FAM3B: variants seen among roughly 807,000 people sequenced by gnomAD.
FAM3B encodes the protein protein FAM3B.
In FAM3B, 29 loss-of-function variants were observed where a neutral mutation model predicts 28.4. The observed-to-expected ratio is 1.02, with a 90% CI of 0.76 to 1.39. The LOEUF is 1.39. Among genes scored for constraint, FAM3B ranks in the 40% most tolerant of loss-of-function variants. The probability of loss-of-function intolerance (pLI) is 0.00; values close to 1 mark genes in which losing one functional copy is unlikely to be tolerated. For missense variants in FAM3B, 266 were observed against 293.9 expected, an observed-to-expected ratio of 0.91 and a Z score of 0.69; for synonymous variants, 91 against 103.0, an observed-to-expected ratio of 0.88 and a Z score of 0.71.
At chr21:41,322,571 C>T (rs780373588) in intron 1 of FAM3B, 7 of 716,398 alleles carry the variant, frequency 9.8e-6, no homozygotes, top group African/African-American at 3.5e-5. Context: ...GGGAATGAGG[C>T]GCTTTTGTTT....
intron 3 of FAM3B, among the ~76,000 whole-genome samples, chr21:41,343,742 G>T (rs554901089): frequency 6.6e-6 from 1 of 152,062 alleles, no homozygotes; most frequent in Non-Finnish European, 1.5e-5. Context: ...ACCATCTCCA[G>T]GTAAGTCATT....
At chr21:41,310,860 G>A (rs901738076) in intron 1 of FAM3B, among the ~76,000 whole-genome samples, 5 of 152,140 alleles carry the variant, frequency 3.3e-5, no homozygotes, top group African/African-American at 7.2e-5. Context: ...CATGTTTCAT[G>A]TGTTATCCCA....
chr21:41,344,059 G>A (rs117006037), intron 3 of FAM3B, among the ~76,000 whole-genome samples: 4 of 152,190 alleles, frequency 2.6e-5, no homozygotes, highest in Non-Finnish European at 5.9e-5. Context: ...GGCAGAGGTT[G>A]CAGTGAGCCA....
intron 5 of FAM3B, among the ~76,000 whole-genome samples, chr21:41,346,675 G>T (rs2089063530): frequency 5.3e-5 from 8 of 151,900 alleles, no homozygotes. Flanking sequence ...TTCTAAGGAG[G>T]GTTTTTTTTT....
At chr21:41,345,930 C>T (rs1298427326) in intron 5 of FAM3B, 194 bp downstream of exon 5, 1 of 496,744 alleles carries the variant, frequency 2.0e-6, no homozygotes, top group Non-Finnish European at 3.6e-6. Context: ...TTGAAGGCAT[C>T]ATCTAGAAAT....
At chr21:41,314,201 G>A (rs2088731559), upstream of FAM3B, among the ~76,000 whole-genome samples, 1 of 152,218 alleles carries the variant, frequency 6.6e-6, no homozygotes, top group Non-Finnish European at 1.5e-5. Context: ...TCCACCATGT[G>A]AGGACACAGT....
At chr21:41,306,652 T>G (rs2088684495) in intron 1 of FAM3B, among the ~76,000 whole-genome samples, 1 of 152,228 alleles carries the variant, frequency 6.6e-6, no homozygotes. Context: ...ATCTCAACAG[T>G]GGGCTGAAAT....
rs2089038775 is a variant in FAM3B at position 41,344,502 on chromosome 21, T to G, written c.314T>G (p.Val105Gly). 1.2e-6 allele frequency: 2 copies of G among 1,614,034 alleles called. No homozygotes were observed. The highest frequency in any genetic ancestry group is 2.2e-5 in the South Asian group (2 of 91,092). The change falls in exon 4 of 8, where the codon GTT becomes GGT. Residue 105 changes from valine to glycine, a missense_variant. Coordinates refer to ENST00000357985, the MANE Select transcript of FAM3B (RefSeq NM_058186.4). ...NLLMGEQLGNVARGINIAIVN... is the reference protein window; with the variant it reads ...NLLMGEQLGNGARGINIAIVN... The stretch of plus-strand genomic sequence containing the variant: ...CTTATGGGAGAACAGCTGGGAAATG[T>G]TGCCAGAGGAATAAACATTGCCATT...
chr21:41,335,961 C>T (rs1487245549), intron 2 of FAM3B, among the ~76,000 whole-genome samples: 1 of 152,106 alleles, frequency 6.6e-6, no homozygotes, highest in African/African-American at 2.4e-5. Context: ...GTTGATGTCC[C>T]ACCAGTATTT....
intron 3 of FAM3B, among the ~76,000 whole-genome samples, chr21:41,342,694 GT>G (rs1480555571): frequency 6.6e-6 from 1 of 152,136 alleles, no homozygotes; most frequent in African/African-American, 2.4e-5. Flanking sequence ...CAGCATGTCA[GT>G]TTTGGTACTT....
chr21:41,335,541 G>C (rs539159847), intron 2 of FAM3B, among the ~76,000 whole-genome samples: 1 of 152,094 alleles, frequency 6.6e-6, no homozygotes, highest in East Asian at 1.9e-4. Flanking sequence ...CCATGCTCCC[G>C]CTTTGCCTTC....
chr21:41,327,770 C>T (rs368846346), intron 2 of FAM3B, among the ~76,000 whole-genome samples: 10 of 152,294 alleles, frequency 6.6e-5, no homozygotes, highest in South Asian at 6.2e-4. Context: ...TTCTATCTTC[C>T]CTTGCTACCT....
At chr21:41,319,300 G>C (rs987761405) in intron 1 of FAM3B, among the ~76,000 whole-genome samples, 5 of 152,160 alleles carry the variant, frequency 3.3e-5, no homozygotes, top group Non-Finnish European at 7.3e-5. Context: ...CATGCACACA[G>C]AGGCAGACAC....
chr21:41,336,271 C>T (rs912548431), intron 2 of FAM3B, among the ~76,000 whole-genome samples: 5 of 152,174 alleles, frequency 3.3e-5, no homozygotes, highest in African/African-American at 7.2e-5. Context: ...TCTGTAATCC[C>T]AGCACTTTGG....
At position 41,341,694 on chromosome 21, in the gene FAM3B, G is replaced by A. The variant is rs551958330; in HGVS notation, c.288-2782G>A. Among the ~76,000 whole-genome samples, 6 of 152,322 alleles carry A rather than the reference G, an allele frequency of 3.9e-5. No individual in the cohort carries two copies. In the East Asian group the frequency reaches 9.6e-4, roughly 24 times the overall value. On this transcript the variant is annotated intron_variant, in intron 3 of 7. Transcript: ENST00000357985. ...TAGATGTTCATTGCTGTATGATACTGCATTGCATGAATATGTTACAGTTAT... is the reference window on the plus strand; with the variant it reads ...TAGATGTTCATTGCTGTATGATACTACATTGCATGAATATGTTACAGTTAT...
At chr21:41,347,749 CAAAAAAA>C (rs60227162) in intron 6 of FAM3B, among the ~76,000 whole-genome samples, 2 of 85,676 alleles carry the variant, frequency 2.3e-5, no homozygotes, top group East Asian at 4.2e-4. Flanking sequence ...GAGACTGTCT[CAAAAAAA>C]AAAAAAAAAA....
In FAM3B at chr21:41,323,051, AGG is replaced by A; in HGVS notation, c.149_150del (p.Arg50ThrfsTer14). The A allele has an allele frequency of 6.2e-7, 1 of 1,605,508 alleles. No individual in the cohort carries two copies. On this transcript the variant is annotated frameshift_variant, in exon 2 of 8. Coordinates refer to ENST00000357985, the MANE Select transcript of FAM3B (RefSeq NM_058186.4). LOFTEE classifies it high-confidence loss of function. ...AAYSIRSIGERPVLKAPVPKR... is the reference protein window; with the variant it reads ...AAYSIRSIGEXPVLKAPVPKR... Reference sequence around the variant, plus strand: ...CTATAGCATCCGCAGCATCGGGGAGAGGCCTGTCCTCAAAGGTGAGTGCCGTG... The same window carrying A: ...CTATAGCATCCGCAGCATCGGGGAGACCTGTCCTCAAAGGTGAGTGCCGTG...
chr21:41,343,273 C>T (rs974932383), intron 3 of FAM3B, among the ~76,000 whole-genome samples: 9 of 152,188 alleles, frequency 5.9e-5, no homozygotes, highest in African/African-American at 1.7e-4. Flanking sequence ...AGCTTTTAAA[C>T]GCTGGACTTA....
intron 1 of FAM3B, among the ~76,000 whole-genome samples, chr21:41,318,535 G>A (rs1352120462): frequency 1.3e-5 from 2 of 152,210 alleles, no homozygotes; most frequent in African/African-American, 2.4e-5. Flanking sequence ...TCAGTGCACA[G>A]GACAGTGATG....
Sources: gnomAD v4.1 joint callset for allele counts (sites outside exome capture counted in the v4.1 genomes callset) on GRCh38, gnomAD v4.1.1 for gene constraint, MANE v1.5 for transcripts, NCBI Gene and HGNC (gene_info 2026-07-23, HGNC 2026-07-21) for gene names.